FARS2: variants seen among roughly 807,000 people sequenced by gnomAD.
The protein encoded by FARS2 is phenylalanyl-tRNA synthetase 2, mitochondrial.
FARS2 carries 40 observed loss-of-function variants against 46.4 expected under a neutral mutation model. The observed-to-expected ratio is 0.86, with a 90% CI of 0.67 to 1.12. The LOEUF (loss-of-function observed/expected upper bound fraction) is 1.12, where lower values mean the gene tolerates loss of function less well. Among genes scored for constraint, FARS2 ranks in the 50% most tolerant of loss-of-function variants. FARS2 has a pLI of 0.00. For synonymous variants in FARS2, 234 were observed against 214.9 expected, an observed-to-expected ratio of 1.09 and a Z score of -0.78; for missense variants, 513 against 567.9, an observed-to-expected ratio of 0.90 and a Z score of 0.98.
chr6:5,386,245 G>A (rs1760126713), intron 2 of FARS2, among the ~76,000 whole-genome samples: 1 of 152,152 alleles, frequency 6.6e-6, no homozygotes, highest in Admixed American at 6.5e-5. Context: ...GCAGATTGAA[G>A]GAATGAAGAT....
Position 5,431,314 on chromosome 6 carries a change from G to A in FARS2, c.904+142G>A, listed in dbSNP as rs115708696. 20,612 of 851,896 alleles carry A rather than the reference G, an allele frequency of 0.024. 445 individuals carry two copies. Among genetic ancestry groups the A allele is most frequent in the South Asian group, 0.065 (3,699 of 57,018 alleles). 52.8% of individuals were successfully genotyped at this position (851,896 alleles called of 1,614,324 possible). ...TGGTCTCTCTTCAGATTCCCCTCTA[G>A]ATTTGTCTTTGATACTAAGCCCTGG... On this transcript the variant is annotated intron_variant, in intron 4 of 6. Coordinates refer to ENST00000274680, the MANE Select transcript of FARS2 (RefSeq NM_006567.5).
Position 5,279,556 on chromosome 6 carries a change from A to ATG in FARS2, c.-22+17914_-22+17915dup, listed in dbSNP as rs753710952. Among the ~76,000 whole-genome samples the ATG allele has an allele frequency of 8.8e-3, 1,291 of 146,698 alleles. 7 individuals carry two copies. The highest frequency in any genetic ancestry group is 0.02 in the African/African-American group (793 of 39,946). On this transcript the variant is annotated intron_variant, in intron 1 of 6. Transcript: ENST00000274680. ...AATATAGAAAAAATAAAAAATATAA[A>ATG]TGTGTGTGTGTGTGTGTGTATATAT...
At chr6:5,567,384 T>G (rs1348768960) in intron 5 of FARS2, among the ~76,000 whole-genome samples, 1 of 152,220 alleles carries the variant, frequency 6.6e-6, no homozygotes, top group African/African-American at 2.4e-5. Context: ...TTTTTATATA[T>G]TTTTAAAAGG....
At position 5,727,285 on chromosome 6, in the gene FARS2, C is replaced by T. The variant is rs1046621529; in HGVS notation, c.1218-44006C>T. On this transcript the variant is annotated intron_variant, in intron 6 of 6. Transcript: ENST00000274680. This position sits in a 1 kb window ranked among gnomAD's most constrained non-coding sequence, Gnocchi z 4.1. ...CAGCCTCCTCTATGAGGTTGGACCCCGTTCCTCTGCACAGAACTTTCCCTC... is the reference window on the plus strand; with the variant it reads ...CAGCCTCCTCTATGAGGTTGGACCCTGTTCCTCTGCACAGAACTTTCCCTC... Among the ~76,000 whole-genome samples, 2 of 152,184 alleles carry T rather than the reference C, an allele frequency of 1.3e-5. No homozygotes were observed. The highest frequency in any genetic ancestry group is 2.4e-5 in the African/African-American group (1 of 41,434).
chr6:5,299,168 A>G (rs1470910776), intron 1 of FARS2, among the ~76,000 whole-genome samples: 1 of 152,216 alleles, frequency 6.6e-6, no homozygotes, highest in Admixed American at 6.5e-5. Context: ...TTTTGATGGC[A>G]GTTTCATTTT....
rs1490192280 is a variant in FARS2 at position 5,770,052 on chromosome 6, G to T, written c.1218-1239G>T. ...CAGCCAAGGGCTCTGGCATTCAGAT[G>T]AGGGAGAGGGAGAGGAAAGAGGAGA... On this transcript the variant is annotated intron_variant, in intron 6 of 6. Transcript: ENST00000274680. Among the ~76,000 whole-genome samples, 4 of 152,122 alleles carry T rather than the reference G, an allele frequency of 2.6e-5. No individual in the cohort carries two copies. In the East Asian group the frequency reaches 5.8e-4, roughly 22 times the overall value.
intron 4 of FARS2, among the ~76,000 whole-genome samples, chr6:5,460,527 T>G (rs1415912960): frequency 6.6e-6 from 1 of 152,160 alleles, no homozygotes; most frequent in African/African-American, 2.4e-5. Context: ...ACCACACAGC[T>G]GCCCTGGCCT....
At chr6:5,495,349 C>T (rs1582268833) in intron 4 of FARS2, among the ~76,000 whole-genome samples, 1 of 152,068 alleles carries the variant, frequency 6.6e-6, no homozygotes, top group African/African-American at 2.4e-5. Context: ...TATTGTTTTT[C>T]TCTGTTATTC....
chr6:5,329,101 A>G (rs1459580494), intron 1 of FARS2, among the ~76,000 whole-genome samples: 1 of 152,026 alleles, frequency 6.6e-6, no homozygotes, highest in Non-Finnish European at 1.5e-5. Context: ...CTCGATCTCT[A>G]AAGTCTCTGC....
intron 1 of FARS2, among the ~76,000 whole-genome samples, chr6:5,302,804 G>A (rs1326995972): frequency 1.3e-5 from 2 of 152,122 alleles, no homozygotes; most frequent in African/African-American, 4.8e-5. Context: ...GGGCAGTGGA[G>A]TGGTTCCAGA....
chr6:5,692,156 G>A (rs183022757), intron 6 of FARS2, among the ~76,000 whole-genome samples: 6 of 152,262 alleles, frequency 3.9e-5, no homozygotes, highest in East Asian at 1.9e-4. Context: ...GATACCTTCC[G>A]CTGCTTCGGC....
intron 4 of FARS2, among the ~76,000 whole-genome samples, chr6:5,528,815 G>A (rs1255474534): frequency 6.6e-6 from 1 of 152,194 alleles, no homozygotes; most frequent in Non-Finnish European, 1.5e-5. Flanking sequence ...CACTGGAACT[G>A]TTCCTGCTTT....
intron 6 of FARS2, among the ~76,000 whole-genome samples, chr6:5,633,950 C>G (rs1776419413): frequency 6.6e-6 from 1 of 152,100 alleles, no homozygotes; most frequent in South Asian, 2.1e-4. Flanking sequence ...AAGTTGTTAT[C>G]TGCCTTTTAT....
chr6:5,424,285 G>A (rs1056837488), intron 3 of FARS2, among the ~76,000 whole-genome samples: 7 of 152,220 alleles, frequency 4.6e-5, no homozygotes, highest in South Asian at 4.1e-4. Context: ...TATCGAGGGC[G>A]TTTTGGCAAT....
chr6:5,394,131 A>C (rs1161711858), intron 2 of FARS2, among the ~76,000 whole-genome samples: 1 of 152,258 alleles, frequency 6.6e-6, no homozygotes, highest in Non-Finnish European at 1.5e-5. Context: ...GAGGAGGAGC[A>C]TAAAGCTGAA....
At chr6:5,255,648 A>G in the FARS2 span, among the ~76,000 whole-genome samples, 1 of 152,158 alleles carries the variant, frequency 6.6e-6, no homozygotes, top group Non-Finnish European at 1.5e-5. Context: ...TCTTCAGCCA[A>G]CTACTTCAAT....
intron 4 of FARS2, among the ~76,000 whole-genome samples, chr6:5,513,230 TAGTC>T (rs146689351): frequency 6.6e-6 from 1 of 152,124 alleles, no homozygotes; most frequent in Non-Finnish European, 1.5e-5. Flanking sequence ...GGAGTTCAGA[TAGTC>T]AGGAACCTTG....
intron 6 of FARS2, among the ~76,000 whole-genome samples, chr6:5,715,632 A>G (rs1229836589): frequency 6.6e-6 from 1 of 152,238 alleles, no homozygotes; most frequent in African/African-American, 2.4e-5. Context: ...AGGTTCATTC[A>G]TATTATAGCA....
intron 5 of FARS2, among the ~76,000 whole-genome samples, chr6:5,594,145 TG>T (rs34384546): frequency 0.16 from 23,887 of 152,160 alleles, 2,175 homozygotes; most frequent in East Asian, 0.33. Context: ...TTTGCAGGGA[TG>T]GGGACCCTTC....
Sources: gnomAD v4.1 joint callset for allele counts (sites outside exome capture counted in the v4.1 genomes callset) on GRCh38, gnomAD v4.1.1 for gene constraint, Gnocchi (gnomAD v3.1) non-coding constraint, MANE v1.5 for transcripts, NCBI Gene and HGNC (gene_info 2026-07-23, HGNC 2026-07-21) for gene names.